MYO5B: variants seen among roughly 807,000 people sequenced by gnomAD.
The protein encoded by MYO5B is unconventional myosin-Vb.
In MYO5B, 143 loss-of-function variants were observed where a neutral mutation model predicts 229.3. The observed-to-expected ratio is 0.62, with a 90% CI of 0.54 to 0.72. The LOEUF is 0.72. MYO5B is among the 30% of genes least tolerant of loss of function. The pLI is 0.00. For missense variants in MYO5B, 2,321 were observed against 2,331.0 expected, an observed-to-expected ratio of 1.00 and a Z score of 0.09; for synonymous variants, 918 against 885.2, an observed-to-expected ratio of 1.04 and a Z score of -0.66.
chr18:50,175,569 G>C (rs547925905), intron 1 of MYO5B, among the ~76,000 whole-genome samples: 2 of 152,322 alleles, frequency 1.3e-5, no homozygotes, highest in African/African-American at 4.8e-5. Flanking sequence ...AGAATCTCCA[G>C]AAAATGACTT....
At chr18:49,928,374 T>G (rs2025152971) in intron 17 of MYO5B, among the ~76,000 whole-genome samples, 3 of 152,162 alleles carry the variant, frequency 2.0e-5, no homozygotes, top group Admixed American at 2.0e-4. Context: ...CCAGGCATGG[T>G]GGCTCACGCC....
intron 22 of MYO5B, among the ~76,000 whole-genome samples, chr18:49,881,865 G>A (rs1459086893): frequency 1.3e-5 from 2 of 151,806 alleles, no homozygotes; most frequent in Non-Finnish European, 2.9e-5. Context: ...TATTATTAGA[G>A]CAACTATTTG....
chr18:50,155,474 A>C (rs919328872), intron 1 of MYO5B, among the ~76,000 whole-genome samples: 1 of 152,230 alleles, frequency 6.6e-6, no homozygotes, highest in Non-Finnish European at 1.5e-5. Flanking sequence ...ATTTTGAGAT[A>C]AAAAACAAAA....
At chr18:49,965,404 T>G (rs942884243) in intron 10 of MYO5B, among the ~76,000 whole-genome samples, 2 of 151,934 alleles carry the variant, frequency 1.3e-5, no homozygotes, top group South Asian at 4.2e-4. Context: ...ATGGACATTT[T>G]CCATCTCTTC....
intron 4 of MYO5B, among the ~76,000 whole-genome samples, chr18:50,022,654 C>T (rs893271851): frequency 3.0e-4 from 46 of 152,278 alleles, no homozygotes; most frequent in African/African-American, 1.1e-3. Flanking sequence ...TGTTAGATTC[C>T]TACTCAGATA....
chr18:49,995,720 A>T (rs1212177502), intron 5 of MYO5B, among the ~76,000 whole-genome samples: 1 of 152,198 alleles, frequency 6.6e-6, no homozygotes, highest in Non-Finnish European at 1.5e-5. Context: ...TATTCCAGCT[A>T]ATACATGCAG....
intron 1 of MYO5B, among the ~76,000 whole-genome samples, chr18:50,095,050 G>A (rs879389726): frequency 2.6e-5 from 4 of 152,064 alleles, no homozygotes; most frequent in Admixed American, 6.5e-5. Context: ...GGCTGGTCTC[G>A]AACTCCTGGC....
chr18:50,151,696 A>AT (rs947138259), intron 1 of MYO5B, among the ~76,000 whole-genome samples: 50 of 150,820 alleles, frequency 3.3e-4, no homozygotes, highest in Admixed American at 2.3e-3. Flanking sequence ...AAAACACTGA[A>AT]TTTTTTTTTT....
At chr18:50,112,566 A>G (rs751401215) in intron 1 of MYO5B, among the ~76,000 whole-genome samples, 8 of 152,196 alleles carry the variant, frequency 5.3e-5, no homozygotes, top group Non-Finnish European at 7.3e-5. Flanking sequence ...TGCATTGTGC[A>G]TGACACTTGA....
intron 4 of MYO5B, among the ~76,000 whole-genome samples, chr18:50,016,819 C>G (rs1005497200): frequency 6.6e-6 from 1 of 151,996 alleles, no homozygotes; most frequent in Non-Finnish European, 1.5e-5. Context: ...ATCCCCAGAC[C>G]TTGCCCTAAA....
intron 25 of MYO5B, among the ~76,000 whole-genome samples, chr18:49,877,432 A>T (rs543591516): frequency 6.6e-6 from 1 of 152,238 alleles, no homozygotes; most frequent in Non-Finnish European, 1.5e-5. Context: ...ATCTATTTTA[A>T]TGACTTAGCT....
rs193114447 is a variant in MYO5B at position 50,110,866 on chromosome 18, G to C, written c.28-55488C>G. Among the ~76,000 whole-genome samples, 415 of 152,074 alleles carry C rather than the reference G, an allele frequency of 2.7e-3. 1 individual carries two copies. The highest frequency in any genetic ancestry group is 9.8e-3 in the African/African-American group (406 of 41,472). On this transcript the variant is annotated intron_variant, in intron 1 of 39. Coordinates refer to ENST00000285039, the MANE Select transcript of MYO5B (RefSeq NM_001080467.3). ...TAAAAATTAGATAAAGGAGAAAGCA[G>C]GCAAACACCTACAGATTCAAAGAAT...
In MYO5B at chr18:49,940,897, T is replaced by G. The variant is rs552337033; in HGVS notation, c.1753-3500A>C. 2.6e-5 allele frequency among the ~76,000 whole-genome samples: 4 copies of G among 152,330 alleles called. No homozygotes were observed. In the South Asian group the frequency reaches 8.3e-4, roughly 32 times the overall value. The stretch of plus-strand genomic sequence containing the variant: ...GCTGGTGAAAATTATGGGCTAATCT[T>G]CTACATCAAGCATTTTAAACTAAAA... On this transcript the variant is annotated intron_variant, in intron 14 of 39. Transcript: ENST00000285039.
intron 2 of MYO5B, among the ~76,000 whole-genome samples, chr18:50,043,048 G>A (rs868424038): frequency 1.1e-4 from 16 of 149,344 alleles, no homozygotes; most frequent in African/African-American, 3.7e-4. Context: ...ACTAAAAGTA[G>A]AACTACCATT....
chr18:49,952,971 C>T lies in MYO5B; in HGVS notation c.1752+289G>A, dbSNP rs565872380. 2.8e-4 allele frequency among the ~76,000 whole-genome samples: 43 copies of T among 152,174 alleles called. 1 individual carries two copies. Among genetic ancestry groups the T allele is most frequent in the African/African-American group, 9.6e-4 (40 of 41,524 alleles). On this transcript the variant is annotated intron_variant, in intron 14 of 39. Transcript: ENST00000285039. ...TCTTCCTGTCACCTCCCATGCTCCCCTATCCCCTCCATTAGCAGGCATCTT... is the reference window on the plus strand; with the variant it reads ...TCTTCCTGTCACCTCCCATGCTCCCTTATCCCCTCCATTAGCAGGCATCTT...
At chr18:50,055,415 C>T (rs777093217) in intron 1 of MYO5B, 37 bp from the exon 2 acceptor site, 173 of 1,547,102 alleles carry the variant, frequency 1.1e-4, no homozygotes, top group Non-Finnish European at 1.5e-4. Context: ...AGATACAGAA[C>T]AAAGCTCTCA....
At chr18:49,974,738 G>T in intron 9 of MYO5B, 123 bp from the exon 10 acceptor site, 1 of 1,116,630 alleles carries the variant, frequency 9.0e-7, no homozygotes, top group Non-Finnish European at 1.3e-6. Flanking sequence ...CAGCCCTCCA[G>T]AATCCCAGCA....
At chr18:50,015,331 C>A (rs528414871) in intron 4 of MYO5B, among the ~76,000 whole-genome samples, 1 of 152,328 alleles carries the variant, frequency 6.6e-6, no homozygotes, top group Admixed American at 6.5e-5. Context: ...TATTTGACCA[C>A]TCCTTTGGCT....
intron 1 of MYO5B, among the ~76,000 whole-genome samples, chr18:50,157,504 G>A (rs1481804223): frequency 6.6e-6 from 1 of 152,120 alleles, no homozygotes; most frequent in East Asian, 1.9e-4. Flanking sequence ...CTTTCTTCCA[G>A]TTCCTCCAAC....
Sources: gnomAD v4.1 joint callset for allele counts (sites outside exome capture counted in the v4.1 genomes callset) on GRCh38, gnomAD v4.1.1 for gene constraint, MANE v1.5 for transcripts, NCBI Gene and HGNC (gene_info 2026-07-23, HGNC 2026-07-21) for gene names.